SULF1: variants seen among roughly 807,000 people sequenced by gnomAD.
The protein encoded by SULF1 is extracellular sulfatase Sulf-1.
Under a neutral mutation model 110.5 loss-of-function variants are expected in SULF1, and 46 were observed. The ratio of observed to expected loss-of-function variants is 0.42; its 90% CI spans 0.33 to 0.53. SULF1 has a LOEUF of 0.53. Ranked by LOEUF, SULF1 falls within the 20% of genes least tolerant of loss-of-function variation. The pLI is 0.12. For missense variants in SULF1, 941 were observed against 1,094.2 expected, an observed-to-expected ratio of 0.86 and a Z score of 1.98; for synonymous variants, 371 against 387.1, an observed-to-expected ratio of 0.96 and a Z score of 0.49.
intron 1 of SULF1, among the ~76,000 whole-genome samples, chr8:69,468,478 C>T (rs544436652): frequency 6.6e-6 from 1 of 152,154 alleles, no homozygotes; most frequent in South Asian, 2.1e-4. Context: ...AAAATGTTCT[C>T]CAGTTATACT....
intron 14 of SULF1, among the ~76,000 whole-genome samples, chr8:69,623,387 C>T (rs1809765740): frequency 6.6e-6 from 1 of 152,092 alleles, no homozygotes; most frequent in Admixed American, 6.5e-5. Context: ...TCAGTTTTCT[C>T]GTCCATAAAA....
rs535053695 is a variant in SULF1 at position 69,596,715 on chromosome 8, T to G, written c.735-3888T>G. On this transcript the variant is annotated intron_variant, in intron 8 of 22. Coordinates refer to ENST00000402687, the MANE Select transcript of SULF1 (RefSeq NM_001128205.2). ...GAGAGCTATCCCGGTGCATTATTTC[T>G]GAGCCACCTCTGTGCACTTTACTTC... is the stretch of plus-strand genomic sequence containing the variant. Among the ~76,000 whole-genome samples the G allele has an allele frequency of 1.5e-4, 23 of 152,350 alleles. No individual in the cohort carries two copies. In the South Asian group the frequency reaches 4.8e-3, roughly 32 times the overall value.
chr8:69,641,580 T>A (rs763966843), intron 22 of SULF1, among the ~76,000 whole-genome samples: 14 of 151,460 alleles, frequency 9.2e-5, no homozygotes, highest in Non-Finnish European at 1.8e-4. Context: ...TAAAAAAAAA[T>A]TTTTAACTAG....
At chr8:69,479,613 T>C (rs1226937943) in intron 1 of SULF1, among the ~76,000 whole-genome samples, 2 of 152,132 alleles carry the variant, frequency 1.3e-5, no homozygotes, top group Admixed American at 6.6e-5. Flanking sequence ...GGAAAGGATA[T>C]CATAGAAACA....
rs543687878 is a variant in SULF1 at position 69,640,686 on chromosome 8, T to G, written c.2552-122T>G. 5 of 705,920 alleles carry G rather than the reference T, an allele frequency of 7.1e-6. No individual in the cohort carries two copies. In the East Asian group the frequency reaches 1.4e-4, roughly 20 times the overall value. 43.7% of individuals were successfully genotyped at this position (705,920 alleles called of 1,614,324 possible). On this transcript the variant is annotated intron_variant, in intron 21 of 22. Coordinates refer to ENST00000402687, the MANE Select transcript of SULF1 (RefSeq NM_001128205.2). ...AAATCTCTGTTGGGCTTCAGCACTG[T>G]CTGTATTTAACACCATGTGTTTCTT...
chr8:69,483,081 G>C (rs988653712), intron 1 of SULF1, among the ~76,000 whole-genome samples: 2 of 152,130 alleles, frequency 1.3e-5, no homozygotes, highest in African/African-American at 4.8e-5. Flanking sequence ...GATGTGTGTA[G>C]ATTATATGCA....
At chr8:69,644,453 A>AAC (rs143175814) in intron 22 of SULF1, among the ~76,000 whole-genome samples, 7,372 of 152,124 alleles carry the variant, frequency 0.048, 424 homozygotes, top group African/African-American at 0.15. Context: ...TTTTATAAGA[A>AAC]ACAAAAAGGT....
In SULF1 at chr8:69,567,783, T is replaced by C. The variant is rs1434558194; in HGVS notation, c.172+3636T>C. Among the ~76,000 whole-genome samples, 3 of 152,340 alleles carry C rather than the reference T, an allele frequency of 2.0e-5. No individual in the cohort carries two copies. In the East Asian group the frequency reaches 5.8e-4, roughly 29 times the overall value. On this transcript the variant is annotated intron_variant, in intron 5 of 22. Coordinates refer to ENST00000402687, the MANE Select transcript of SULF1 (RefSeq NM_001128205.2). ...TCCTCCTTTTCCCTATTGTGGATAA[T>C]GCTGCTGTGAACATGGGTGTACAAA...
At chr8:69,489,405 C>A (rs1303777988), upstream of SULF1, among the ~76,000 whole-genome samples, 1 of 152,012 alleles carries the variant, frequency 6.6e-6, no homozygotes, top group Non-Finnish European at 1.5e-5. Flanking sequence ...AGTAGGAGAG[C>A]CCTAAATCAT....
chr8:69,638,864 G>GA lies in SULF1; in HGVS notation c.2551+13dup. 6.3e-7 allele frequency: 1 copy of GA among 1,595,780 alleles called. No homozygotes were observed. The highest frequency in any genetic ancestry group is 8.5e-7 in the Non-Finnish European group (1 of 1,175,188). On this transcript the variant is annotated splice_region_variant and intron_variant, in intron 21 of 22. Transcript: ENST00000402687. ...ACCTAAGAATCTTGATGTTGGTAAG[G>GA]AAAAAAATACTATTTTTTCTATTTT...
chr8:69,598,518 A>G (rs1257350776), intron 8 of SULF1, among the ~76,000 whole-genome samples: 2 of 152,064 alleles, frequency 1.3e-5, no homozygotes, highest in Admixed American at 6.6e-5. Context: ...CAGCCTCCTG[A>G]GTAGCTGGGA....
At chr8:69,499,754 ATTAT>A (rs1240644470) in intron 2 of SULF1, among the ~76,000 whole-genome samples, 1 of 152,130 alleles carries the variant, frequency 6.6e-6, no homozygotes, top group Non-Finnish European at 1.5e-5. Flanking sequence ...ACACATTATT[ATTAT>A]TTATTTTTTT....
intron 3 of SULF1, among the ~76,000 whole-genome samples, chr8:69,557,889 T>C (rs1042923187): frequency 3.3e-5 from 5 of 152,178 alleles, no homozygotes; most frequent in Admixed American, 6.5e-5. Flanking sequence ...TTTTCAGCTG[T>C]CATTGTTTGT....
At chr8:69,641,003 G>T in intron 22 of SULF1, 162 bp downstream of exon 22, 1 of 543,246 alleles carries the variant, frequency 1.8e-6, no homozygotes, top group South Asian at 3.6e-5. Flanking sequence ...ATTGATCACA[G>T]AACTGTCATT....
Position 69,475,936 on chromosome 8 carries a change from G to A in SULF1, c.-391+8986G>A, listed in dbSNP as rs546304223. 5.3e-5 allele frequency among the ~76,000 whole-genome samples: 8 copies of A among 152,278 alleles called. No homozygotes were observed. In the East Asian group the frequency reaches 1.5e-3, roughly 29 times the overall value. On this transcript the variant is annotated intron_variant, in intron 1 of 22. Transcript: ENST00000260128. ...TCAGATTAAGAAAATGGTTGGCCAA[G>A]TAACAATCTAGCATTTCTATAACTT...
chr8:69,494,884 G>GAA (rs59596365), intron 1 of SULF1, among the ~76,000 whole-genome samples: 87 of 109,710 alleles, frequency 7.9e-4, no homozygotes, highest in African/African-American at 2.4e-3. Context: ...TATCTCAAAG[G>GAA]AAAAAAAAAA....
At chr8:69,478,516 C>A (rs1386331994) in intron 1 of SULF1, among the ~76,000 whole-genome samples, 1 of 152,130 alleles carries the variant, frequency 6.6e-6, no homozygotes, top group East Asian at 1.9e-4. Context: ...CTACAAGGCA[C>A]GTGCTCACAC....
In SULF1 at chr8:69,638,778, A is replaced by C; in HGVS notation, c.2471A>C (p.Gln824Pro). ...ACGGTAGAACGAGGCATTTTGAATC[A>C]GCTACACGTACAACTAATGGAGCTC... ...VHTVERGILN[Q>P]LHVQLMELRS... Residue 824 changes from glutamine to proline, a missense_variant, in exon 21 of 23, where the codon CAG becomes CCG. Transcript: ENST00000402687. 6.2e-7 allele frequency: 1 copy of C among 1,614,172 alleles called. No homozygotes were observed. Among genetic ancestry groups the C allele is most frequent in the Non-Finnish European group, 8.5e-7 (1 of 1,180,020 alleles).
At chr8:69,537,131 CATTAGGAGA>C (rs1813476652) in intron 3 of SULF1, among the ~76,000 whole-genome samples, 1 of 152,166 alleles carries the variant, frequency 6.6e-6, no homozygotes, top group African/African-American at 2.4e-5. Flanking sequence ...CACTGCACAG[CATTAGGAGA>C]CTCTGTGCCC....
Sources: gnomAD v4.1 joint callset for allele counts (sites outside exome capture counted in the v4.1 genomes callset) on GRCh38, gnomAD v4.1.1 for gene constraint, MANE v1.5 for transcripts, NCBI Gene and HGNC (gene_info 2026-07-23, HGNC 2026-07-21) for gene names.